Variants in COPZ1 observed in about 807,000 individuals in gnomAD.
COPZ1 encodes coat protein complex I subunit zeta 1.
A neutral mutation model predicts 31.7 loss-of-function variants in COPZ1; 4 were observed. That is an observed-to-expected ratio of 0.13 (90% CI 0.06 to 0.29). COPZ1 has a LOEUF of 0.29. COPZ1 is among the 10% of genes least tolerant of loss of function. COPZ1 has a pLI of 1.00. For missense variants in COPZ1, 156 were observed against 211.5 expected (o/e 0.74, Z 1.63); for synonymous variants, 74 against 79.0 (o/e 0.94, Z 0.33).
At chr12:54,328,309 C>T (rs1488284022) in intron 1 of COPZ1, among the ~76,000 whole-genome samples, 9 of 144,864 alleles carry the variant, frequency 6.2e-5, no homozygotes, top group Middle Eastern at 4.1e-3. Context: ...CGGTGGCTCA[C>T]GCCTGTAAAT....
chr12:54,348,841 G>A (rs1954104310), intron 7 of COPZ1, among the ~76,000 whole-genome samples: 1 of 152,168 alleles, frequency 6.6e-6, no homozygotes, highest in South Asian at 2.1e-4. Flanking sequence ...GTCCTCTTTG[G>A]TGCTGGTGAT....
intron 1 of COPZ1, among the ~76,000 whole-genome samples, chr12:54,330,330 T>C (rs1351352704): frequency 1.3e-5 from 2 of 152,222 alleles, no homozygotes; most frequent in African/African-American, 4.8e-5. Context: ...CTGGCCAGCT[T>C]GTTTTAATGG....
At chr12:54,326,958 A>ATTTTTTTTTT (rs1953660662) in intron 1 of COPZ1, among the ~76,000 whole-genome samples, 1 of 38,764 alleles carries the variant, frequency 2.6e-5, no homozygotes, top group Admixed American at 2.7e-4. Flanking sequence ...GTTAACAAGT[A>ATTTTTTTTTT]TTCTTTTTTT....
At position 54,350,641 on chromosome 12, in the gene COPZ1, T is replaced by C; in HGVS notation, c.*118T>C. On this transcript the variant is annotated 3_prime_UTR_variant, in exon 9 of 9. Transcript: ENST00000262061. ...TCATCTCGGGGATCACAGGGATCCTTAAATCTCCATTCTGTTTGTGGTTGC... is the reference window on the plus strand; with the variant it reads ...TCATCTCGGGGATCACAGGGATCCTCAAATCTCCATTCTGTTTGTGGTTGC... 1 of 836,232 alleles carries C rather than the reference T, an allele frequency of 1.2e-6. No homozygotes were observed. The highest frequency in any genetic ancestry group is 2.1e-6 in the Non-Finnish European group (1 of 482,082). 51.8% of individuals were successfully genotyped at this position (836,232 alleles called of 1,614,324 possible). A position where few individuals can be genotyped will look rare whatever the true frequency, so the allele number is the denominator to read the frequency against.
At chr12:54,348,073 T>C (rs371558663) in intron 7 of COPZ1, 22 bp downstream of exon 7, 1 of 1,612,900 alleles carries the variant, frequency 6.2e-7, no homozygotes, top group African/African-American at 1.3e-5. Context: ...TGTGTTTCTT[T>C]GCATCCCCGC....
chr12:54,327,774 A>G (rs554133307), intron 1 of COPZ1, among the ~76,000 whole-genome samples: 109 of 152,260 alleles, frequency 7.2e-4, no homozygotes, highest in African/African-American at 2.6e-3. Flanking sequence ...TAAAAAAATA[A>G]GAATAAAAAA....
chr12:54,331,991 A>G (rs1395002994), intron 1 of COPZ1, among the ~76,000 whole-genome samples: 1 of 152,050 alleles, frequency 6.6e-6, no homozygotes, highest in East Asian at 1.9e-4. Flanking sequence ...CACTTCCATG[A>G]TAGTTGAAGA....
At chr12:54,346,282 T>G (rs1954061134) in intron 5 of COPZ1, among the ~76,000 whole-genome samples, 1 of 151,352 alleles carries the variant, frequency 6.6e-6, no homozygotes, top group African/African-American at 2.4e-5. Flanking sequence ...TTTTTTTTTT[T>G]TTTGAGATGG....
intron 4 of COPZ1, among the ~76,000 whole-genome samples, chr12:54,343,851 G>A (rs1954014442): frequency 6.6e-6 from 1 of 152,212 alleles, no homozygotes; most frequent in Admixed American, 6.5e-5. Flanking sequence ...GTGAAAGTTT[G>A]AGAAAGTCAA....
At chr12:54,336,867 C>A (rs1025542797) in intron 1 of COPZ1, among the ~76,000 whole-genome samples, 2 of 151,370 alleles carry the variant, frequency 1.3e-5, no homozygotes, top group African/African-American at 2.4e-5. Flanking sequence ...ACTAAAAATA[C>A]AAAAATTAGC....
chr12:54,325,485 G>A (rs142035494), intron 1 of COPZ1: 11 of 314,146 alleles, frequency 3.5e-5, no homozygotes, highest in African/African-American at 2.4e-4. Flanking sequence ...CTTATTTTTA[G>A]CATTGTGGAT....
At chr12:54,342,726 A>G (rs181237299) in intron 3 of COPZ1, 3 of 181,632 alleles carry the variant, frequency 1.7e-5, no homozygotes, top group East Asian at 3.2e-4. Flanking sequence ...GACTCCCCCA[A>G]GTTCATACTT....
At chr12:54,340,700 T>G (rs1953959193) in intron 2 of COPZ1, 85 bp downstream of exon 2, 4 of 1,355,968 alleles carry the variant, frequency 2.9e-6, no homozygotes, top group Non-Finnish European at 3.1e-6. Flanking sequence ...CTTATTAACT[T>G]ATGTTCCTCA....
chr12:54,343,794 G>A (rs1954013588), intron 4 of COPZ1, among the ~76,000 whole-genome samples: 1 of 152,144 alleles, frequency 6.6e-6, no homozygotes, highest in Admixed American at 6.5e-5. Context: ...GCAACTTCTA[G>A]GAGAATAGAT....
intron 1 of COPZ1, among the ~76,000 whole-genome samples, chr12:54,339,414 C>T (rs1340448013): frequency 6.6e-6 from 1 of 152,162 alleles, no homozygotes; most frequent in Non-Finnish European, 1.5e-5. Context: ...GTGGCGCAGT[C>T]CTAGCTCAGC....
At chr12:54,335,880 G>C (rs986855764) in intron 1 of COPZ1, among the ~76,000 whole-genome samples, 1 of 151,852 alleles carries the variant, frequency 6.6e-6, no homozygotes, top group East Asian at 1.9e-4. Context: ...GGGTCTCACT[G>C]TGTTGCCCAG....
At chr12:54,326,265 G>C (rs1218395755) in intron 1 of COPZ1, among the ~76,000 whole-genome samples, 2 of 150,366 alleles carry the variant, frequency 1.3e-5, no homozygotes, top group Non-Finnish European at 1.5e-5. Flanking sequence ...TCAGCCTCCG[G>C]AGTGGCTGGG....
intron 1 of COPZ1, among the ~76,000 whole-genome samples, chr12:54,335,251 G>A (rs1953838205): frequency 1.3e-5 from 2 of 151,630 alleles, no homozygotes; most frequent in Admixed American, 1.3e-4. Context: ...GGAGCTGGGA[G>A]TGGTATCTAG....
At chr12:54,349,102 GTC>G (rs1485589742) in intron 7 of COPZ1, among the ~76,000 whole-genome samples, 3 of 151,442 alleles carry the variant, frequency 2.0e-5, no homozygotes, top group African/African-American at 7.3e-5. Context: ...TCTAACATAT[GTC>G]TCTGTGTGGC....
Sources: gnomAD v4.1 joint callset for allele counts (sites outside exome capture counted in the v4.1 genomes callset) on GRCh38, gnomAD v4.1.1 for gene constraint, MANE v1.5 for transcripts, NCBI Gene and HGNC (gene_info 2026-07-23, HGNC 2026-07-21) for gene names.